Variants in BMP5 observed in about 807,000 individuals in gnomAD.
BMP5 encodes bone morphogenetic protein 5.
A neutral mutation model predicts 46.6 loss-of-function variants in BMP5; 23 were observed. That is an observed-to-expected ratio of 0.49 (90% confidence interval 0.35 to 0.70). The LOEUF (loss-of-function observed/expected upper bound fraction) is 0.70, where lower values mean the gene tolerates loss of function less well. Ranked by LOEUF, BMP5 falls within the 30% of genes least tolerant of loss-of-function variation. The pLI, the probability that BMP5 is intolerant of heterozygous loss-of-function variation, is 0.00. For synonymous variants in BMP5, 204 were observed against 191.9 expected (o/e 1.06, Z -0.52); for missense variants, 545 against 565.6 (o/e 0.96, Z 0.37).
chr6:55,867,657 G>A lies in BMP5; in HGVS notation c.490+6719C>T, dbSNP rs149585711. On this transcript the variant is annotated intron_variant, in intron 1 of 6. Coordinates refer to ENST00000370830, the MANE Select transcript of BMP5 (RefSeq NM_021073.4). ...GGCTTAGAAGGGCCCTGCTCTTGGT[G>A]TAATACTCTGCTGCCACCATCTTGA... is the stretch of plus-strand genomic sequence containing the variant. Among the ~76,000 whole-genome samples, 3 of 152,244 alleles carry A rather than the reference G, an allele frequency of 2.0e-5. No individual in the cohort carries two copies. In the East Asian group the frequency reaches 5.8e-4, roughly 30 times the overall value.
chr6:55,803,964 A>G (rs536574141), intron 2 of BMP5, among the ~76,000 whole-genome samples: 140 of 152,282 alleles, frequency 9.2e-4, no homozygotes, highest in African/African-American at 3.3e-3. Context: ...CAAGATAGAG[A>G]AGCAACAGCC....
At chr6:55,830,863 G>A (rs1380686911) in intron 1 of BMP5, among the ~76,000 whole-genome samples, 1 of 152,092 alleles carries the variant, frequency 6.6e-6, no homozygotes, top group African/African-American at 2.4e-5. Flanking sequence ...GTTAAAATAA[G>A]CAAGTTTGAG....
intron 2 of BMP5, among the ~76,000 whole-genome samples, chr6:55,797,865 C>G (rs1215276500): frequency 6.6e-6 from 1 of 152,094 alleles, no homozygotes; most frequent in South Asian, 2.1e-4. Context: ...ATCCACCCAC[C>G]TCGGCCTCCC....
At chr6:55,764,716 A>G (rs1290073279) in intron 4 of BMP5, among the ~76,000 whole-genome samples, 1 of 150,104 alleles carries the variant, frequency 6.7e-6, no homozygotes, top group Non-Finnish European at 1.5e-5. Context: ...CATATGTGTA[A>G]GCTAAAAAAA....
At chr6:55,758,957 T>C (rs1403352090) in intron 6 of BMP5, 48 bp downstream of exon 6, 1 of 1,231,496 alleles carries the variant, frequency 8.1e-7, no homozygotes, top group Non-Finnish European at 1.2e-6. Flanking sequence ...AACTTTATAA[T>C]ATGCTTGCAT....
chr6:55,874,979 C>T lies in BMP5; in HGVS notation c.-114G>A. ...CCAGTAGCTGAAAAAACAAATTTACCTATTTTTCATGACAGTGACATTTCT... is the reference window on the plus strand; with the variant it reads ...CCAGTAGCTGAAAAAACAAATTTACTTATTTTTCATGACAGTGACATTTCT... On this transcript the variant is annotated 5_prime_UTR_variant, in exon 1 of 7. Transcript: ENST00000370830. 2.4e-6 allele frequency: 3 copies of T among 1,266,944 alleles called. No individual in the cohort carries two copies. The highest frequency in any genetic ancestry group is 2.3e-5 in the Admixed American group (1 of 43,642). 78.5% of individuals were successfully genotyped at this position (1,266,944 alleles called of 1,614,324 possible). A position where few individuals can be genotyped will look rare whatever the true frequency, so the allele number is the denominator to read the frequency against.
intron 4 of BMP5, among the ~76,000 whole-genome samples, chr6:55,769,472 G>A (rs538855297): frequency 1.3e-4 from 20 of 151,812 alleles, no homozygotes; most frequent in Non-Finnish European, 2.5e-4. Context: ...TTCAGGTTCC[G>A]CTTGTAATTC....
At chr6:55,824,471 A>G (rs1776483797) in intron 1 of BMP5, among the ~76,000 whole-genome samples, 1 of 151,952 alleles carries the variant, frequency 6.6e-6, no homozygotes, top group Non-Finnish European at 1.5e-5. Flanking sequence ...CCCTAAACAC[A>G]TTCCCTCTTT....
intron 2 of BMP5, among the ~76,000 whole-genome samples, chr6:55,803,922 C>A (rs921810497): frequency 2.6e-5 from 4 of 152,178 alleles, no homozygotes; most frequent in Non-Finnish European, 5.9e-5. Context: ...TTCTTCCCAG[C>A]TGCCTATGGG....
chr6:55,842,892 T>A (rs565251330), intron 1 of BMP5, among the ~76,000 whole-genome samples: 35 of 152,250 alleles, frequency 2.3e-4, no homozygotes, highest in Admixed American at 2.2e-3. Context: ...TTCTTAAATA[T>A]TTCAGCTAAA....
chr6:55,780,237 G>A (rs1332104044), intron 3 of BMP5, among the ~76,000 whole-genome samples: 2 of 151,696 alleles, frequency 1.3e-5, no homozygotes, highest in Non-Finnish European at 2.9e-5. Flanking sequence ...AAGACGGACT[G>A]GAAAAATGAA....
At chr6:55,810,270 C>T (rs80057154) in intron 2 of BMP5, among the ~76,000 whole-genome samples, 331 of 152,048 alleles carry the variant, frequency 2.2e-3, no homozygotes, top group African/African-American at 7.8e-3. Context: ...TTCCATGCTG[C>T]ATTTAAAAGG....
intron 2 of BMP5, among the ~76,000 whole-genome samples, chr6:55,803,449 T>C (rs1171974999): frequency 2.0e-5 from 3 of 152,146 alleles, no homozygotes; most frequent in Non-Finnish European, 4.4e-5. Flanking sequence ...AGAATTCCCT[T>C]GGGAATTTGT....
chr6:55,803,305 C>T (rs948494022), intron 2 of BMP5, among the ~76,000 whole-genome samples: 1 of 147,538 alleles, frequency 6.8e-6, no homozygotes, highest in Non-Finnish European at 1.5e-5. Flanking sequence ...TCAAACAAAA[C>T]AAAACAAACA....
intron 1 of BMP5, among the ~76,000 whole-genome samples, chr6:55,847,776 TAG>T (rs1175746214): frequency 6.6e-6 from 1 of 151,902 alleles, no homozygotes; most frequent in Non-Finnish European, 1.5e-5. Flanking sequence ...TCCATTACTG[TAG>T]AGTATCTTAG....
intron 1 of BMP5, among the ~76,000 whole-genome samples, chr6:55,851,966 A>T (rs7741116): frequency 0.017 from 2,659 of 152,248 alleles, 85 homozygotes; most frequent in African/African-American, 0.06. Context: ...CTCATTTTTC[A>T]GTAAATTTAG....
chr6:55,816,882 G>A (rs1251524446), intron 2 of BMP5, among the ~76,000 whole-genome samples: 1 of 150,864 alleles, frequency 6.6e-6, no homozygotes, highest in Admixed American at 6.6e-5. Context: ...AATCTACAAA[G>A]AACGCAAACA....
chr6:55,811,656 T>C (rs1239964095), intron 2 of BMP5, among the ~76,000 whole-genome samples: 1 of 151,952 alleles, frequency 6.6e-6, no homozygotes, highest in African/African-American at 2.4e-5. Flanking sequence ...TCTCTGTCTC[T>C]CTCTCTCTCC....
At position 55,874,802 on chromosome 6, in the gene BMP5, C is replaced by T; in HGVS notation, c.64G>A (p.Val22Met). The T allele has an allele frequency of 6.2e-7, 1 of 1,613,320 alleles. No individual in the cohort carries two copies. Among genetic ancestry groups the T allele is most frequent in the Non-Finnish European group, 8.5e-7 (1 of 1,179,614 alleles). The change falls in exon 1 of 7, where the codon GTG becomes ATG. Residue 22 changes from valine (V) to methionine (M), a missense_variant. Physicochemically the swap from Val to Met is conservative, Grantham distance 21. Coordinates refer to ENST00000370830, the MANE Select transcript of BMP5 (RefSeq NM_021073.4). ...VGFLWSCWVL[V>M]GYAKGGLGDN... ...CCCAAACCTCCTTTTGCATAACCCA[C>T]TAGAACCCAGCAGCTCCAGAGGAAA...
Sources: gnomAD v4.1 joint callset for allele counts (sites outside exome capture counted in the v4.1 genomes callset) on GRCh38, gnomAD v4.1.1 for gene constraint, MANE v1.5 for transcripts, NCBI Gene and HGNC (gene_info 2026-07-23, HGNC 2026-07-21) for gene names.